The following PITPNC1 variants were observed in gnomAD, a reference collection of about 807,000 sequenced individuals.
PITPNC1 encodes the protein phosphatidylinositol transfer protein cytoplasmic 1, also known as cytoplasmic phosphatidylinositol transfer protein 1.
Under a neutral mutation model 44.7 loss-of-function variants are expected in PITPNC1, and 18 were observed. That is an observed-to-expected ratio of 0.40 (90% CI 0.28 to 0.60). The LOEUF (loss-of-function observed/expected upper bound fraction) is 0.60. PITPNC1 is among the 20% of genes least tolerant of loss of function. PITPNC1 has a pLI of 0.39. For missense variants in PITPNC1, 290 were observed against 418.4 expected (o/e 0.69, Z 2.68); for synonymous variants, 141 against 149.6 (o/e 0.94, Z 0.42).
At chr17:67,674,839 C>T (rs2042574451) in intron 7 of PITPNC1, among the ~76,000 whole-genome samples, 1 of 151,862 alleles carries the variant, frequency 6.6e-6, no homozygotes, top group African/African-American at 2.4e-5. Flanking sequence ...TGGTGAAACC[C>T]CATCTCTATT....
At chr17:67,480,936 G>A (rs1416269307) in intron 1 of PITPNC1, among the ~76,000 whole-genome samples, 10 of 152,230 alleles carry the variant, frequency 6.6e-5, no homozygotes, top group African/African-American at 2.2e-4. Context: ...GCTGGGTACT[G>A]TGGCTCATGC....
At chr17:67,474,308 T>C (rs2039594590) in intron 1 of PITPNC1, among the ~76,000 whole-genome samples, 1 of 152,236 alleles carries the variant, frequency 6.6e-6, no homozygotes, top group South Asian at 2.1e-4. Flanking sequence ...TTTTGTCTTC[T>C]CCGTCAAGAT....
At chr17:67,599,336 G>A (rs897397845) in intron 5 of PITPNC1, among the ~76,000 whole-genome samples, 20 of 151,936 alleles carry the variant, frequency 1.3e-4, no homozygotes, top group Non-Finnish European at 2.1e-4. Flanking sequence ...ATCCAAAGCC[G>A]AGACCTAGAG....
rs1426153552 is a variant in PITPNC1 at position 67,692,875 on chromosome 17, C to A, written c.986C>A (p.Pro329His). ...CACTCTTCAGATAAGCCATGTCGGCCCAAATCTGAGTAACTTTATATAAAT... is the reference window on the plus strand; with the variant it reads ...CACTCTTCAGATAAGCCATGTCGGCACAAATCTGAGTAACTTTATATAAAT... Reference protein sequence around the residue: ...GMHSSDKPCRPKSE With the variant: ...GMHSSDKPCRHKSE The change falls in exon 9 of 9, where the codon CCC (proline) becomes CAC (histidine). Residue 329 changes from proline to histidine, a missense_variant. Physicochemically the swap from Pro to His is moderately conservative, Grantham distance 77. Transcript: ENST00000581322. 1.3e-6 allele frequency: 2 copies of A among 1,594,312 alleles called. No homozygotes were observed. Among genetic ancestry groups the A allele is most frequent in the Non-Finnish European group, 1.7e-6 (2 of 1,164,778 alleles).
At chr17:67,631,889 C>T (rs1194972650) in intron 5 of PITPNC1, among the ~76,000 whole-genome samples, 1 of 149,582 alleles carries the variant, frequency 6.7e-6, no homozygotes, top group African/African-American at 2.5e-5. Context: ...CTCTTGAACT[C>T]CTAAAAACAG....
chr17:67,669,758 A>G (rs2042480990), intron 7 of PITPNC1, 95 bp downstream of exon 7: 2 of 872,716 alleles, frequency 2.3e-6, no homozygotes, highest in Non-Finnish European at 3.6e-6. Context: ...GCACAAATAC[A>G]TCAGGTCACT....
chr17:67,691,072 C>T (rs953707180), intron 8 of PITPNC1, among the ~76,000 whole-genome samples: 2 of 151,244 alleles, frequency 1.3e-5, no homozygotes, highest in South Asian at 2.1e-4. Flanking sequence ...CATTGCACTC[C>T]GGCCTGTGCA....
At chr17:67,557,078 G>A (rs1340120888) in intron 4 of PITPNC1, among the ~76,000 whole-genome samples, 1 of 152,176 alleles carries the variant, frequency 6.6e-6, no homozygotes, top group Non-Finnish European at 1.5e-5. Context: ...AGACTTGGGG[G>A]CTTGAGCAGC....
At chr17:67,563,059 A>T (rs894021344) in intron 4 of PITPNC1, among the ~76,000 whole-genome samples, 2 of 152,180 alleles carry the variant, frequency 1.3e-5, no homozygotes, top group African/African-American at 4.8e-5. Context: ...CCTAAACTCT[A>T]TGCCTGCCCT....
intron 1 of PITPNC1, among the ~76,000 whole-genome samples, chr17:67,469,593 C>CGTCA (rs1328411563): frequency 6.6e-6 from 1 of 152,142 alleles, no homozygotes; most frequent in East Asian, 1.9e-4. Flanking sequence ...TGACAGCAGC[C>CGTCA]GTCAGACCCG....
chr17:67,397,750 T>G (rs2143813703), intron 1 of PITPNC1, among the ~76,000 whole-genome samples: 1 of 152,270 alleles, frequency 6.6e-6, no homozygotes, highest in Non-Finnish European at 1.5e-5. Flanking sequence ...TGGATCTTTT[T>G]GAATTGCGAA....
intron 1 of PITPNC1, among the ~76,000 whole-genome samples, chr17:67,460,446 C>G (rs1189486278): frequency 6.6e-6 from 1 of 151,156 alleles, no homozygotes; most frequent in East Asian, 1.9e-4. Context: ...TTTTTTGAAA[C>G]AGAGTCTCAC....
chr17:67,607,782 G>A (rs2041628115), intron 5 of PITPNC1, among the ~76,000 whole-genome samples: 1 of 148,472 alleles, frequency 6.7e-6, no homozygotes, highest in African/African-American at 2.5e-5. Flanking sequence ...AGGCTGGAGT[G>A]CAATGCTGTG....
chr17:67,390,223 G>A (rs530033494), intron 1 of PITPNC1, among the ~76,000 whole-genome samples: 5 of 152,200 alleles, frequency 3.3e-5, no homozygotes, highest in African/African-American at 1.2e-4. Context: ...ACCAGATTTG[G>A]ACCAGAATGA....
chr17:67,399,772 A>T (rs1011652836), intron 1 of PITPNC1, among the ~76,000 whole-genome samples: 3 of 152,148 alleles, frequency 2.0e-5, no homozygotes, highest in African/African-American at 7.2e-5. Context: ...CTACCTTTTC[A>T]TTTGATGAAA....
intron 1 of PITPNC1, 100 bp downstream of exon 1, chr17:67,378,302 G>C (rs372608601): frequency 4.1e-6 from 3 of 723,088 alleles, no homozygotes; most frequent in Non-Finnish European, 4.1e-6. Context: ...GGAAACCCAG[G>C]TGGACGTTAC....
At chr17:67,671,280 G>A (rs2042508048) in intron 7 of PITPNC1, among the ~76,000 whole-genome samples, 1 of 152,150 alleles carries the variant, frequency 6.6e-6, no homozygotes, top group Non-Finnish European at 1.5e-5. Flanking sequence ...AGAAAAAAAT[G>A]GGAAATGCAA....
At chr17:67,678,621 T>C (rs1201301949) in intron 8 of PITPNC1, among the ~76,000 whole-genome samples, 3 of 152,222 alleles carry the variant, frequency 2.0e-5, no homozygotes, top group African/African-American at 4.8e-5. Flanking sequence ...AAACAGTGGC[T>C]CCTTCATCAC....
At chr17:67,521,116 C>G (rs760460303) in intron 1 of PITPNC1, among the ~76,000 whole-genome samples, 3 of 106,650 alleles carry the variant, frequency 2.8e-5, no homozygotes, top group Non-Finnish European at 5.6e-5. Flanking sequence ...GCGATTTGCA[C>G]AGTTTTGCAG....
Sources: allele counts gnomAD v4.1 joint callset (sites outside exome capture counted in the v4.1 genomes callset), GRCh38; gene constraint gnomAD v4.1.1; transcripts MANE v1.5; gene names NCBI Gene and HGNC (gene_info 2026-07-23, HGNC 2026-07-21).